GSK3B: variants seen among roughly 807,000 people sequenced by gnomAD.
GSK3B encodes the protein glycogen synthase kinase-3 beta.
Under a neutral mutation model 56.4 loss-of-function variants are expected in GSK3B, and 15 were observed. That is an observed-to-expected ratio of 0.27 (90% CI 0.18 to 0.41). The LOEUF (loss-of-function observed/expected upper bound fraction) is 0.41, where lower values mean the gene tolerates loss of function less well. Among genes scored for constraint, GSK3B ranks in the 10% least tolerant of loss-of-function variants. The pLI is 1.00. For synonymous variants in GSK3B, 181 were observed against 188.9 expected, an observed-to-expected ratio of 0.96 and a Z score of 0.34; for missense variants, 300 against 513.4, an observed-to-expected ratio of 0.58 and a Z score of 4.02.
At chr3:120,081,143 G>A (rs2058415740) in intron 1 of GSK3B, among the ~76,000 whole-genome samples, 1 of 151,846 alleles carries the variant, frequency 6.6e-6, no homozygotes, top group South Asian at 2.1e-4. Flanking sequence ...CTTTCTTTCA[G>A]TCATCCATCC....
chr3:119,829,876 C>T (rs1456606182), intron 10 of GSK3B, among the ~76,000 whole-genome samples: 1 of 152,144 alleles, frequency 6.6e-6, no homozygotes, highest in Non-Finnish European at 1.5e-5. Context: ...ACTTAATGAA[C>T]ATAATTTTAA....
chr3:120,085,103 T>C (rs2107581263), intron 1 of GSK3B, among the ~76,000 whole-genome samples: 1 of 152,342 alleles, frequency 6.6e-6, no homozygotes, highest in Non-Finnish European at 1.5e-5. Flanking sequence ...CTGAATATCT[T>C]TAAAATTTTG....
chr3:119,896,127 C>CAAA (rs1161729921), intron 7 of GSK3B, among the ~76,000 whole-genome samples: 1 of 59,018 alleles, frequency 1.7e-5, no homozygotes. Context: ...GACTCTGTCT[C>CAAA]AAAAAAAAAA....
chr3:119,950,323 T>C (rs1480192586), intron 2 of GSK3B, among the ~76,000 whole-genome samples: 3 of 152,138 alleles, frequency 2.0e-5, no homozygotes, highest in African/African-American at 7.2e-5. Flanking sequence ...GAGAAAACCT[T>C]ATGAAGGAGG....
intron 7 of GSK3B, among the ~76,000 whole-genome samples, chr3:119,885,591 C>A (rs946547178): frequency 6.6e-6 from 1 of 152,094 alleles, no homozygotes; most frequent in Non-Finnish European, 1.5e-5. Flanking sequence ...GCCCATATAG[C>A]CAAAGCAATC....
chr3:119,875,560 C>T (rs977473265), intron 8 of GSK3B, among the ~76,000 whole-genome samples: 2 of 149,762 alleles, frequency 1.3e-5, no homozygotes, highest in African/African-American at 4.9e-5. Flanking sequence ...AGTTTAATCC[C>T]GGCTTTGTCA....
chr3:119,940,098 GTGTGTGTGTGTT>G (rs764201906), intron 3 of GSK3B, among the ~76,000 whole-genome samples: 229 of 135,476 alleles, frequency 1.7e-3, no homozygotes, highest in African/African-American at 4.2e-3. Context: ...TAACAAAAGT[GTGTGTGTGTGTT>G]TGTGTGTGTG....
intron 7 of GSK3B, among the ~76,000 whole-genome samples, chr3:119,883,217 C>T (rs1214783063): frequency 6.6e-6 from 1 of 152,054 alleles, no homozygotes; most frequent in African/African-American, 2.4e-5. Context: ...GGGTGGCTGA[C>T]AGTGGGATTT....
At chr3:119,855,619 C>A (rs2056009192) in intron 9 of GSK3B, among the ~76,000 whole-genome samples, 2 of 152,124 alleles carry the variant, frequency 1.3e-5, no homozygotes, top group Non-Finnish European at 2.9e-5. Context: ...GAAAATGTGG[C>A]ACATATACAC....
intron 9 of GSK3B, among the ~76,000 whole-genome samples, chr3:119,862,859 C>T (rs1402957118): frequency 6.6e-6 from 1 of 152,068 alleles, no homozygotes; most frequent in Non-Finnish European, 1.5e-5. Context: ...CCACAATGCA[C>T]AAAGTTCGTT....
chr3:119,923,374 T>C lies in GSK3B; in HGVS notation c.476A>G (p.Lys159Arg). 6.7e-7 allele frequency: 1 copy of C among 1,497,454 alleles called. No homozygotes were observed. The highest frequency in any genetic ancestry group is 9.3e-7 in the Non-Finnish European group (1 of 1,076,532). The allele number at this position is 1,497,454 out of a possible 1,614,324, so 92.8% of individuals were successfully genotyped here. A position where few individuals can be genotyped will look rare whatever the true frequency, so the allele number is the denominator to read the frequency against. The change falls in exon 4 of 11, where the codon AAG (lysine) becomes AGG (arginine). Residue 159 changes from lysine (K) to arginine (R), a missense_variant and splice_region_variant. Transcript: ENST00000264235. The part of the protein sequence containing the change: ...AKQTLPVIYV[K>R]LYMYQLFRSL... ...GAAAATTGTTATGTTTTTACATACCTTGACATAAATCACAGGGAGCGTCTG... is the reference window on the plus strand; with the variant it reads ...GAAAATTGTTATGTTTTTACATACCCTGACATAAATCACAGGGAGCGTCTG...
chr3:119,857,245 A>T (rs2056035686), intron 9 of GSK3B, among the ~76,000 whole-genome samples: 1 of 152,174 alleles, frequency 6.6e-6, no homozygotes, highest in Non-Finnish European at 1.5e-5. Flanking sequence ...GAAGTTTGTC[A>T]CAATGCCTGA....
chr3:120,074,255 G>A (rs992208847), intron 1 of GSK3B, among the ~76,000 whole-genome samples: 3 of 150,754 alleles, frequency 2.0e-5, no homozygotes, highest in Non-Finnish European at 4.4e-5. Context: ...AATGTACATC[G>A]CACCACCGCA....
At chr3:120,040,669 C>A (rs539144634) in intron 1 of GSK3B, among the ~76,000 whole-genome samples, 10 of 151,936 alleles carry the variant, frequency 6.6e-5, no homozygotes, top group Non-Finnish European at 8.8e-5. Context: ...CAAAGATAGT[C>A]CCCCCAATCT....
At position 119,955,566 on chromosome 3, in the gene GSK3B, T is replaced by A. The variant is rs571348318; in HGVS notation, c.283-8215A>T. Among the ~76,000 whole-genome samples, 4 of 152,246 alleles carry A rather than the reference T, an allele frequency of 2.6e-5. No individual in the cohort carries two copies. The South Asian group carries it at 8.3e-4, about 32-fold the overall frequency. ...CTTATTAATTTGTAAAATTCTGGAA[T>A]GGGGTCAGGTGGAAAGTCTTAAATA... On this transcript the variant is annotated intron_variant, in intron 2 of 10. Transcript: ENST00000264235.
chr3:119,973,792 A>T (rs1241728146), intron 2 of GSK3B, among the ~76,000 whole-genome samples: 3 of 152,362 alleles, frequency 2.0e-5, no homozygotes, highest in African/African-American at 7.2e-5. Context: ...TAAGAAAAAA[A>T]TGGTACATAT....
At chr3:119,967,231 C>A (rs996894749) in intron 2 of GSK3B, among the ~76,000 whole-genome samples, 1 of 152,132 alleles carries the variant, frequency 6.6e-6, no homozygotes, top group Non-Finnish European at 1.5e-5. Context: ...GCGTGTGCCA[C>A]CATGCCTGGC....
intron 7 of GSK3B, among the ~76,000 whole-genome samples, chr3:119,883,266 C>G (rs956411000): frequency 2.3e-4 from 35 of 152,048 alleles, no homozygotes; most frequent in African/African-American, 8.5e-4. Flanking sequence ...AAAAAGCTCT[C>G]AAATTTGAAA....
chr3:120,057,238 T>A (rs900507707), intron 1 of GSK3B, among the ~76,000 whole-genome samples: 25 of 152,362 alleles, frequency 1.6e-4, no homozygotes, highest in South Asian at 4.1e-4. Flanking sequence ...CAATTTTTTT[T>A]AAATTATAAT....
Sources: gnomAD v4.1 joint callset for allele counts (sites outside exome capture counted in the v4.1 genomes callset) on GRCh38, gnomAD v4.1.1 for gene constraint, MANE v1.5 for transcripts, NCBI Gene and HGNC (gene_info 2026-07-23, HGNC 2026-07-21) for gene names.